LMBR1: variants seen among roughly 807,000 people sequenced by gnomAD.
LMBR1 encodes the protein limb development membrane protein 1, also known as limb region 1 protein homolog.
LMBR1 carries 52 observed loss-of-function variants against 73.9 expected under a neutral mutation model. The ratio of observed to expected loss-of-function variants is 0.70; its 90% confidence interval spans 0.56 to 0.89. The LOEUF (loss-of-function observed/expected upper bound fraction) is 0.89, where lower values mean the gene tolerates loss of function less well. Among genes scored for constraint, LMBR1 ranks in the 40% least tolerant of loss-of-function variants. The pLI, the probability that LMBR1 is intolerant of heterozygous loss-of-function variation, is 0.00. For missense variants in LMBR1, 539 were observed against 579.8 expected, an observed-to-expected ratio of 0.93 and a Z score of 0.72; for synonymous variants, 215 against 209.4, an observed-to-expected ratio of 1.03 and a Z score of -0.23.
intron 5 of LMBR1, among the ~76,000 whole-genome samples, chr7:156,791,399 T>C (rs907010148): frequency 2.6e-5 from 4 of 152,210 alleles, no homozygotes; most frequent in Admixed American, 2.0e-4. Flanking sequence ...TCCTACTCAC[T>C]CTGTGTCTCT....
chr7:156,796,178 C>G (rs1474901081), intron 5 of LMBR1, among the ~76,000 whole-genome samples: 1 of 152,176 alleles, frequency 6.6e-6, no homozygotes, highest in East Asian at 1.9e-4. Context: ...TAAAAGTACT[C>G]ACAGGTCTAA....
chr7:156,846,584 A>T (rs1795508334), intron 1 of LMBR1, among the ~76,000 whole-genome samples: 1 of 152,144 alleles, frequency 6.6e-6, no homozygotes, highest in East Asian at 1.9e-4. Flanking sequence ...GTATAGGAAG[A>T]CTCAATATTG....
chr7:156,890,392 TC>T (rs1291123513), intron 1 of LMBR1, among the ~76,000 whole-genome samples: 1 of 152,146 alleles, frequency 6.6e-6, no homozygotes, highest in African/African-American at 2.4e-5. Context: ...GTGAAAGGCA[TC>T]CACAGAGTGG....
intron 15 of LMBR1, among the ~76,000 whole-genome samples, chr7:156,720,193 C>T (rs955503229): frequency 7.3e-5 from 11 of 151,634 alleles, no homozygotes; most frequent in South Asian, 2.1e-4. Context: ...AGAAAATTTT[C>T]GCAACCTACT....
chr7:156,749,341 C>T (rs1415448303), intron 9 of LMBR1, among the ~76,000 whole-genome samples: 1 of 152,190 alleles, frequency 6.6e-6, no homozygotes, highest in Non-Finnish European at 1.5e-5. Context: ...CCAATGATAA[C>T]TGAAAATGTC....
intron 10 of LMBR1, among the ~76,000 whole-genome samples, chr7:156,730,885 GAGATCAGGCCACTGCACTCC>G (rs1167544209): frequency 6.6e-6 from 1 of 151,908 alleles, no homozygotes; most frequent in Non-Finnish European, 1.5e-5. Flanking sequence ...GCAGTGGACT[GAGATCAGGCCACTGCACTCC>G]AGCCTGGGCA....
intron 1 of LMBR1, among the ~76,000 whole-genome samples, chr7:156,886,669 T>C (rs917644927): frequency 6.6e-6 from 1 of 152,186 alleles, no homozygotes; most frequent in Admixed American, 6.5e-5. Context: ...GTTATCTTAA[T>C]ATTGCTTATC....
At chr7:156,689,283 T>C (rs1275164077) in intron 15 of LMBR1, among the ~76,000 whole-genome samples, 1 of 152,144 alleles carries the variant, frequency 6.6e-6, no homozygotes, top group African/African-American at 2.4e-5. Context: ...GGGGGCCATA[T>C]AAAATTTAAA....
Position 156,734,273 on chromosome 7 carries a change from A to T in LMBR1, c.758-16T>A. On this transcript the variant is annotated splice_polypyrimidine_tract_variant and intron_variant, in intron 9 of 16. Coordinates refer to ENST00000353442, the MANE Select transcript of LMBR1 (RefSeq NM_022458.4). ...GAAGACAGCCCTGTTCAAAGCAAAA[A>T]ATATTTAGAAGTAAAACAGAACCCC... 6.4e-7 allele frequency: 1 copy of T among 1,570,158 alleles called. No individual in the cohort carries two copies. Among genetic ancestry groups the T allele is most frequent in the Non-Finnish European group, 8.6e-7 (1 of 1,158,064 alleles).
At chr7:156,847,567 T>G (rs1795663644) in intron 1 of LMBR1, among the ~76,000 whole-genome samples, 1 of 152,062 alleles carries the variant, frequency 6.6e-6, no homozygotes, top group African/African-American at 2.4e-5. Context: ...ATGCAAAACA[T>G]ATAAAGAGCT....
chr7:156,753,213 C>T (rs1821222443), intron 9 of LMBR1, among the ~76,000 whole-genome samples: 1 of 151,986 alleles, frequency 6.6e-6, no homozygotes, highest in South Asian at 2.1e-4. Context: ...AGGACATGCA[C>T]ACAGACACCA....
At chr7:156,832,033 T>A (rs1235711403) in intron 3 of LMBR1, among the ~76,000 whole-genome samples, 2 of 152,200 alleles carry the variant, frequency 1.3e-5, no homozygotes, top group South Asian at 2.1e-4. Flanking sequence ...AAAAAAATGA[T>A]TCACTTAATT....
At chr7:156,863,391 T>A (rs774472851) in intron 1 of LMBR1, among the ~76,000 whole-genome samples, 6 of 151,982 alleles carry the variant, frequency 3.9e-5, no homozygotes, top group Non-Finnish European at 8.8e-5. Flanking sequence ...GGCAGCTGAT[T>A]AGATGGTGCC....
chr7:156,751,147 T>C (rs993936512), intron 9 of LMBR1, among the ~76,000 whole-genome samples: 15 of 152,076 alleles, frequency 9.9e-5, no homozygotes, highest in African/African-American at 2.9e-4. Flanking sequence ...CTGGAGTTCA[T>C]GTTCTAGTGT....
intron 2 of LMBR1, 39 bp downstream of exon 2, chr7:156,836,774 C>A (rs940155379): frequency 6.9e-6 from 9 of 1,306,628 alleles, no homozygotes; most frequent in Non-Finnish European, 8.6e-6. Flanking sequence ...GACCATGTGG[C>A]ATTCTAACAA....
In LMBR1 at chr7:156,683,513, C is replaced by G. The variant is rs1388370823; in HGVS notation, c.*565G>C. On this transcript the variant is annotated 3_prime_UTR_variant, in exon 17 of 17. Transcript: ENST00000353442. ...ATCAGTATCATTCTATAACATAAAT[C>G]AGAAACTACGCTTTTTGCTTTTAAG... The G allele has an allele frequency of 6.6e-6, 1 of 152,582 alleles. No homozygotes were observed. The highest frequency in any genetic ancestry group is 2.4e-5 in the African/African-American group (1 of 41,450). 9.5% of individuals were successfully genotyped at this position (152,582 alleles called of 1,614,324 possible). A position where few individuals can be genotyped will look rare whatever the true frequency, so the allele number is the denominator to read the frequency against.
intron 15 of LMBR1, among the ~76,000 whole-genome samples, chr7:156,690,331 C>T (rs1322374932): frequency 6.6e-6 from 1 of 152,088 alleles, no homozygotes; most frequent in East Asian, 1.9e-4. Context: ...TCACACAGTC[C>T]AACGACTTAC....
At chr7:156,751,014 G>A (rs1307432347) in intron 9 of LMBR1, among the ~76,000 whole-genome samples, 1 of 152,156 alleles carries the variant, frequency 6.6e-6, no homozygotes, top group African/African-American at 2.4e-5. Flanking sequence ...AGAGGCTAAA[G>A]GGGAACGATC....
At chr7:156,873,041 G>C (rs1799556169) in intron 1 of LMBR1, among the ~76,000 whole-genome samples, 2 of 151,694 alleles carry the variant, frequency 1.3e-5, no homozygotes, top group African/African-American at 4.8e-5. Context: ...TCTGGAGTCT[G>C]TCCCTTCGTG....
Sources: allele counts gnomAD v4.1 joint callset (sites outside exome capture counted in the v4.1 genomes callset), GRCh38; gene constraint gnomAD v4.1.1; transcripts MANE v1.5; gene names NCBI Gene and HGNC (gene_info 2026-07-23, HGNC 2026-07-21).